The following TAF4 variants were observed in gnomAD, a reference collection of about 807,000 sequenced individuals.
The protein encoded by TAF4 is TATA-box binding protein associated factor 4.
Under a neutral mutation model 90.3 loss-of-function variants are expected in TAF4, and 9 were observed. The ratio of observed to expected loss-of-function variants is 0.10; its 90% CI spans 0.06 to 0.17. The LOEUF is 0.17. TAF4 is among the 10% of genes least tolerant of loss of function. The pLI, the probability that TAF4 is intolerant of heterozygous loss-of-function variation, is 1.00. For missense variants in TAF4, 1,351 were observed against 1,370.7 expected, an observed-to-expected ratio of 0.99 and a Z score of 0.23; for synonymous variants, 818 against 638.9, an observed-to-expected ratio of 1.28 and a Z score of -4.23.
At chr20:62,005,733 G>C (rs1716744330) in intron 7 of TAF4, 1 of 152,224 alleles carries the variant, frequency 6.6e-6, no homozygotes, top group South Asian at 2.1e-4. Flanking sequence ...AACTTGAACA[G>C]AGCACAAGAG....
At chr20:62,051,868 C>T (rs927756549) in intron 1 of TAF4, among the ~76,000 whole-genome samples, 5 of 152,190 alleles carry the variant, frequency 3.3e-5, no homozygotes, top group Non-Finnish European at 5.9e-5. Context: ...CAGATCCACC[C>T]GTGAGGAACC....
At chr20:62,063,102 G>C (rs1028400034) in intron 1 of TAF4, among the ~76,000 whole-genome samples, 6 of 152,080 alleles carry the variant, frequency 3.9e-5, no homozygotes, top group Admixed American at 6.5e-5. Context: ...AAAGCTTGTC[G>C]TAAAGGGCGT....
At chr20:62,028,057 T>C (rs2055884176) in intron 1 of TAF4, among the ~76,000 whole-genome samples, 1 of 152,182 alleles carries the variant, frequency 6.6e-6, no homozygotes, top group African/African-American at 2.4e-5. Context: ...CTCTCCATGG[T>C]GCAGGGTCCC....
intron 1 of TAF4, among the ~76,000 whole-genome samples, chr20:62,056,718 C>A (rs552505788): frequency 1.3e-5 from 2 of 152,128 alleles, no homozygotes; most frequent in East Asian, 1.9e-4. Flanking sequence ...TGAGACACCC[C>A]GAAATTTTAG....
rs570144039 is a variant in TAF4 at position 61,983,414 on chromosome 20, G to C, written c.3091-7079C>G. Reference sequence around the variant, plus strand: ...CTCACACCTGTAATCTCAATGCTTTGAAAAGGGAGGCCAAGGCAGGAGGAT... The same window carrying C: ...CTCACACCTGTAATCTCAATGCTTTCAAAAGGGAGGCCAAGGCAGGAGGAT... On this transcript the variant is annotated intron_variant, in intron 14 of 14. Transcript: ENST00000252996. 4.6e-5 allele frequency among the ~76,000 whole-genome samples: 7 copies of C among 152,252 alleles called. No homozygotes were observed. In the East Asian group the frequency reaches 1.2e-3, roughly 25 times the overall value.
chr20:62,055,754 C>T (rs2056059854), intron 1 of TAF4, among the ~76,000 whole-genome samples: 1 of 152,200 alleles, frequency 6.6e-6, no homozygotes, highest in African/African-American at 2.4e-5. Context: ...CTACCCTGCC[C>T]AGCAGTCCCC....
chr20:62,044,903 A>G (rs963846386), intron 1 of TAF4, among the ~76,000 whole-genome samples: 2 of 152,212 alleles, frequency 1.3e-5, no homozygotes, highest in African/African-American at 4.8e-5. Context: ...GATGTCTTGC[A>G]CCAGAGGCAC....
intron 1 of TAF4, among the ~76,000 whole-genome samples, chr20:62,018,656 T>C (rs955799695): frequency 2.6e-5 from 4 of 152,110 alleles, no homozygotes; most frequent in Non-Finnish European, 5.9e-5. Flanking sequence ...ACTGGCCGTG[T>C]CCCCACCCAG....
intron 1 of TAF4, among the ~76,000 whole-genome samples, chr20:62,044,626 CTG>C (rs1031718082): frequency 6.6e-6 from 1 of 152,132 alleles, no homozygotes; most frequent in African/African-American, 2.4e-5. Context: ...AATTCTGAAT[CTG>C]TGTTTAAGTA....
Position 62,006,714 on chromosome 20 carries a change from G to C in TAF4, c.2019C>G (p.Ala673=), listed in dbSNP as rs1385805671. The C allele has an allele frequency of 6.3e-7, 1 of 1,574,998 alleles. No homozygotes were observed. Among genetic ancestry groups the C allele is most frequent in the Admixed American group, 1.8e-5 (1 of 56,950 alleles). ...ALRQLTPDSA[A]FIQQSQQQPP... Reference sequence around the variant, plus strand: ...GCTGCTGCTGGCTCTGCTGGATGAAGGCCGCGGAGTCGGGGGTCAGCTGTC... The same window carrying C: ...GCTGCTGCTGGCTCTGCTGGATGAACGCCGCGGAGTCGGGGGTCAGCTGTC... The change falls in exon 7 of 15, where the codon GCC becomes GCG. Residue 673 remains alanine (A), a synonymous_variant. Coordinates refer to ENST00000252996, the MANE Select transcript of TAF4 (RefSeq NM_003185.4). This position sits in a 1 kb window ranked among gnomAD's most constrained non-coding sequence, Gnocchi z 7.0.
intron 1 of TAF4, 74 bp downstream of exon 1, chr20:62,064,377 C>A: frequency 9.4e-6 from 12 of 1,271,320 alleles, no homozygotes; most frequent in South Asian, 2.5e-5. Context: ...ATTCCACCAG[C>A]GGAGAACTTC....
intron 1 of TAF4, among the ~76,000 whole-genome samples, chr20:62,034,356 T>TTCTG (rs1346200182): frequency 6.6e-6 from 1 of 152,180 alleles, no homozygotes; most frequent in Non-Finnish European, 1.5e-5. Flanking sequence ...AAGGGTCTCA[T>TTCTG]TCTGTCACCC....
intron 1 of TAF4, among the ~76,000 whole-genome samples, chr20:62,032,390 A>G (rs532826327): frequency 3.3e-5 from 5 of 152,316 alleles, no homozygotes; most frequent in Middle Eastern, 3.4e-3. Flanking sequence ...CTTCTCTTCC[A>G]CATGTTCACT....
chr20:62,056,120 C>T (rs189843950), intron 1 of TAF4, among the ~76,000 whole-genome samples: 131 of 152,190 alleles, frequency 8.6e-4, no homozygotes, highest in African/African-American at 3.1e-3. Context: ...GCCTGTATTC[C>T]CAGCTGCTCG....
rs1212340253 is a variant in TAF4 at position 62,064,764 on chromosome 20, C to T, written c.1047G>A (p.Arg349=). 3.5e-6 allele frequency: 4 copies of T among 1,140,224 alleles called. No individual in the cohort carries two copies. The highest frequency in any genetic ancestry group is 3.2e-6 in the Non-Finnish European group (3 of 932,216). 70.6% of individuals were successfully genotyped at this position (1,140,224 alleles called of 1,614,324 possible). A position where few individuals can be genotyped will look rare whatever the true frequency, so the allele number is the denominator to read the frequency against. The change falls in exon 1 of 15, where the codon AGG becomes AGA. Residue 349 remains arginine (R), a synonymous_variant. Transcript: ENST00000252996. Reference sequence around the variant, plus strand: ...CCGCCGGGGGCGCCGCCTGCACCACCCTCTTGGGCGACTCGGCCTTGACCC... The same window carrying T: ...CCGCCGGGGGCGCCGCCTGCACCACTCTCTTGGGCGACTCGGCCTTGACCC... The part of the protein sequence containing the change: ...APGVKAESPK[R]VVQAAPPAAQ...
At chr20:62,011,065 C>T (rs149409644) in intron 3 of TAF4, among the ~76,000 whole-genome samples, 4 of 152,322 alleles carry the variant, frequency 2.6e-5, no homozygotes, top group Admixed American at 6.5e-5. Flanking sequence ...GTGGGTGCAG[C>T]CCCGCCAGCA....
chr20:62,049,915 CA>C (rs2056016800), intron 1 of TAF4, among the ~76,000 whole-genome samples: 1 of 152,122 alleles, frequency 6.6e-6, no homozygotes, highest in Non-Finnish European at 1.5e-5. Context: ...ATGCTTGGAG[CA>C]AAGTGACTGC....
At chr20:62,004,069 A>G (rs989314081) in intron 7 of TAF4, among the ~76,000 whole-genome samples, 191 bp from the exon 8 acceptor site, 4 of 152,194 alleles carry the variant, frequency 2.6e-5, no homozygotes, top group Non-Finnish European at 4.4e-5. Context: ...ACTCGGCCAG[A>G]CCAGGGCAGG....
intron 1 of TAF4, among the ~76,000 whole-genome samples, chr20:62,050,774 A>C (rs1435809987): frequency 6.6e-6 from 1 of 152,122 alleles, no homozygotes; most frequent in Admixed American, 6.5e-5. Flanking sequence ...GTCACGGCAG[A>C]AAGGACCTCT....
Sources: allele counts gnomAD v4.1 joint callset (sites outside exome capture counted in the v4.1 genomes callset), GRCh38; gene constraint gnomAD v4.1.1; non-coding constraint Gnocchi (gnomAD v3.1); transcripts MANE v1.5; gene names NCBI Gene and HGNC (gene_info 2026-07-23, HGNC 2026-07-21).